AGBL4: variants seen among roughly 807,000 people sequenced by gnomAD.
AGBL4 encodes the protein AGBL carboxypeptidase 4.
AGBL4 carries 58 observed loss-of-function variants against 66.4 expected under a neutral mutation model. The observed-to-expected ratio is 0.87, with a 90% CI of 0.71 to 1.09. The LOEUF (loss-of-function observed/expected upper bound fraction) is 1.09, where lower values mean the gene tolerates loss of function less well. AGBL4 is among the 50% of genes least tolerant of loss of function. The probability of loss-of-function intolerance (pLI) is 0.00; values close to 1 mark genes in which losing one functional copy is unlikely to be tolerated. For synonymous variants in AGBL4, 234 were observed against 222.9 expected, an observed-to-expected ratio of 1.05 and a Z score of -0.44; for missense variants, 579 against 631.0, an observed-to-expected ratio of 0.92 and a Z score of 0.88.
intron 6 of AGBL4, among the ~76,000 whole-genome samples, chr1:48,695,160 G>C (rs1479083350): frequency 6.6e-6 from 1 of 152,184 alleles, no homozygotes; most frequent in African/African-American, 2.4e-5. Flanking sequence ...TCCTGACTGG[G>C]AGAAAGTCCC....
intron 3 of AGBL4, among the ~76,000 whole-genome samples, chr1:49,322,303 T>G (rs1437966117): frequency 3.3e-5 from 5 of 152,164 alleles, no homozygotes; most frequent in Non-Finnish European, 7.3e-5. Context: ...GCCAGGTGAT[T>G]GTATGTGGAT....
chr1:49,225,573 C>T (rs907166960), intron 4 of AGBL4, among the ~76,000 whole-genome samples: 2 of 152,204 alleles, frequency 1.3e-5, no homozygotes, highest in Non-Finnish European at 2.9e-5. Flanking sequence ...AGGATACACT[C>T]TCCAGGTGGG....
chr1:48,544,907 A>G (rs1644134655), intron 11 of AGBL4, among the ~76,000 whole-genome samples: 1 of 152,188 alleles, frequency 6.6e-6, no homozygotes, highest in South Asian at 2.1e-4. Context: ...GAAAATAGCT[A>G]TTGTTTTAAG....
rs547675102 is a variant in AGBL4, at chr1:49,437,956, GATTTT to G, written c.283-192097_283-192093del. Among the ~76,000 whole-genome samples the G allele has an allele frequency of 7.2e-5, 11 of 151,840 alleles. No homozygotes were observed. The South Asian group carries it at 1.9e-3, about 26-fold the overall frequency. On this transcript the variant is annotated intron_variant, in intron 3 of 13. Transcript: ENST00000371839. ...CCATTTCTAAGAATGTTCACAATTG[GATTTT>G]ATTTAATATTTAAATAAACCAGGTA...
chr1:48,849,085 T>G (rs75486591), intron 6 of AGBL4, among the ~76,000 whole-genome samples: 1,784 of 152,276 alleles, frequency 0.012, 32 homozygotes, highest in African/African-American at 0.041. Context: ...CAGCCAGATG[T>G]GGAAAGGAAA....
chr1:48,822,022 A>T (rs1646326545), intron 6 of AGBL4, among the ~76,000 whole-genome samples: 1 of 152,190 alleles, frequency 6.6e-6, no homozygotes, highest in African/African-American at 2.4e-5. Context: ...AATACTACTA[A>T]ACACTCACTG....
chr1:48,823,874 CT>C (rs1371775645), intron 6 of AGBL4, among the ~76,000 whole-genome samples: 9 of 152,200 alleles, frequency 5.9e-5, no homozygotes, highest in African/African-American at 2.2e-4. Context: ...TAAGGAACCT[CT>C]GCTAGGCCTT....
At chr1:49,661,018 G>A (rs149669362) in intron 3 of AGBL4, among the ~76,000 whole-genome samples, 20 of 152,092 alleles carry the variant, frequency 1.3e-4, no homozygotes, top group African/African-American at 4.1e-4. Context: ...AAATACCTAG[G>A]TGATGGGTTG....
chr1:49,303,629 T>G (rs1644796140), intron 3 of AGBL4, among the ~76,000 whole-genome samples: 1 of 151,896 alleles, frequency 6.6e-6, no homozygotes, highest in African/African-American at 2.4e-5. Context: ...ATTTTTCTTT[T>G]TCTTCTTCTT....
chr1:48,897,476 T>A (rs1833020), intron 5 of AGBL4, among the ~76,000 whole-genome samples: 74,691 of 152,040 alleles, frequency 0.49, 21,805 homozygotes, highest in Non-Finnish European at 0.67. Flanking sequence ...CAGATTTCCT[T>A]TCTTTTGGAT....
intron 3 of AGBL4, among the ~76,000 whole-genome samples, chr1:49,557,662 A>C (rs1297829287): frequency 6.6e-6 from 1 of 152,042 alleles, no homozygotes; most frequent in East Asian, 1.9e-4. Context: ...CCAAGGGCTA[A>C]AGTGGTCTGG....
chr1:49,853,982 A>G (rs1646369290), intron 1 of AGBL4, among the ~76,000 whole-genome samples: 1 of 152,120 alleles, frequency 6.6e-6, no homozygotes. Flanking sequence ...ACTAAGATCC[A>G]CACAAAGAAA....
intron 6 of AGBL4, among the ~76,000 whole-genome samples, chr1:48,755,963 GC>G (rs750127540): frequency 3.9e-5 from 6 of 152,300 alleles, no homozygotes; most frequent in Non-Finnish European, 8.8e-5. Flanking sequence ...TAGTTAACCT[GC>G]CCAAGGTCAT....
Position 48,784,419 on chromosome 1 carries a change from T to TGGGGA in AGBL4, c.634+82771_634+82772insTCCCC, listed in dbSNP as rs1206526910. On this transcript the variant is annotated intron_variant, in intron 6 of 13. Transcript: ENST00000371839. Reference sequence around the variant, plus strand: ...TGATTCCCGCCAAATGCTGTCCCCTTCAATAAAACTCTGTGGTCATGGGTC... The same window carrying TGGGGA: ...TGATTCCCGCCAAATGCTGTCCCCTTGGGGACAATAAAACTCTGTGGTCATGGGTC... Among the ~76,000 whole-genome samples, 17 of 152,266 alleles carry TGGGGA rather than the reference T, an allele frequency of 1.1e-4. No homozygotes were observed. The East Asian group carries it at 3.1e-3, about 28-fold the overall frequency.
chr1:49,560,011 T>C lies in AGBL4; in HGVS notation c.282+137302A>G, dbSNP rs191839297. On this transcript the variant is annotated intron_variant, in intron 3 of 13. Transcript: ENST00000371839. ...GGAAAGCCTTCCCAAGAAGGACAAA[T>C]ATAAACAACCCTAAACAGTGAAGCC... 7.4e-4 allele frequency among the ~76,000 whole-genome samples: 113 copies of C among 152,100 alleles called. 1 individual carries two copies. Among genetic ancestry groups the C allele is most frequent in the African/African-American group, 2.6e-3 (109 of 41,478 alleles).
intron 2 of AGBL4, among the ~76,000 whole-genome samples, chr1:49,808,085 T>A (rs1052534907): frequency 6.6e-6 from 1 of 152,100 alleles, no homozygotes; most frequent in Non-Finnish European, 1.5e-5. Flanking sequence ...TACAGCAACA[T>A]GTAATGTGCA....
chr1:49,948,009 A>ATAAATATATATTTATATATATAAATATAT (rs1655467881), intron 1 of AGBL4, among the ~76,000 whole-genome samples: 1 of 31,880 alleles, frequency 3.1e-5, no homozygotes, highest in African/African-American at 3.5e-4. Flanking sequence ...AATATATATA[A>ATAAATATATATTTATATATATAAATATAT]ATATATAAAT....
At chr1:49,939,213 A>G (rs1337433187) in intron 1 of AGBL4, among the ~76,000 whole-genome samples, 1 of 151,418 alleles carries the variant, frequency 6.6e-6, no homozygotes, top group African/African-American at 2.4e-5. Context: ...GGATACAAAC[A>G]AATGGAAGAA....
At chr1:49,177,937 C>T (rs1646861585) in intron 4 of AGBL4, among the ~76,000 whole-genome samples, 1 of 152,140 alleles carries the variant, frequency 6.6e-6, no homozygotes, top group African/African-American at 2.4e-5. Flanking sequence ...TTTGGACCTA[C>T]AGCAGGCCTA....
Sources: gnomAD v4.1 joint callset for allele counts (sites outside exome capture counted in the v4.1 genomes callset) on GRCh38, gnomAD v4.1.1 for gene constraint, MANE v1.5 for transcripts, NCBI Gene and HGNC (gene_info 2026-07-23, HGNC 2026-07-21) for gene names.